The following ZNF350 variants were observed in gnomAD, a reference collection of about 807,000 sequenced individuals.
The protein encoded by ZNF350 is KRAB zinc finger protein ZFQR.
A neutral mutation model predicts 13.1 loss-of-function variants in ZNF350; 5 were observed. The observed-to-expected ratio is 0.38, with a 90% CI of 0.20 to 0.80. The LOEUF (loss-of-function observed/expected upper bound fraction) is 0.80, where lower values mean the gene tolerates loss of function less well. Ranked by LOEUF, ZNF350 falls within the 30% of genes least tolerant of loss-of-function variation. The pLI, the probability that ZNF350 is intolerant of heterozygous loss-of-function variation, is 0.43. For missense variants in ZNF350, 534 were observed against 644.2 expected (o/e 0.83, Z 1.85); for synonymous variants, 199 against 224.2 (o/e 0.89, Z 1.00).
chr19:51,972,562 T>C (rs1048297143), intron 2 of ZNF350, among the ~76,000 whole-genome samples: 2 of 152,148 alleles, frequency 1.3e-5, no homozygotes, highest in Admixed American at 6.5e-5. Context: ...AAGTGTAGCA[T>C]CTTCGGCCAA....
At position 51,964,865 on chromosome 19, in the gene ZNF350, C is replaced by G. The variant is rs755703895; in HGVS notation, c.1588G>C (p.Glu530Gln). The G allele has an allele frequency of 1.9e-6, 3 of 1,606,462 alleles. No individual in the cohort carries two copies. Among genetic ancestry groups the G allele is most frequent in the Non-Finnish European group, 2.6e-6 (3 of 1,174,440 alleles). The part of the protein sequence containing the change: ...VINYVLFYVT[E>Q]NP ...TCTGAGTTTTCTTCCTATGGGTTTTCTGTAACATAAAATAAGACATAATTG... is the reference window on the plus strand; with the variant it reads ...TCTGAGTTTTCTTCCTATGGGTTTTGTGTAACATAAAATAAGACATAATTG... Residue 530 changes from glutamate to glutamine, a missense_variant, in exon 5 of 5, where the codon GAA becomes CAA. Glu to Gln is a conservative substitution (Grantham distance 29). Coordinates refer to ENST00000243644, the MANE Select transcript of ZNF350 (RefSeq NM_021632.4).
At chr19:51,970,028 G>C (rs1308438850) in intron 2 of ZNF350, among the ~76,000 whole-genome samples, 1 of 149,798 alleles carries the variant, frequency 6.7e-6, no homozygotes, top group Non-Finnish European at 1.5e-5. Context: ...AAGTAGCTAG[G>C]ACTACAGGCA....
At chr19:51,970,147 C>T (rs554375953) in intron 2 of ZNF350, among the ~76,000 whole-genome samples, 13 of 151,470 alleles carry the variant, frequency 8.6e-5, no homozygotes, top group East Asian at 1.9e-4. Context: ...CTGCAACCTC[C>T]GCCTCCCAGG....
chr19:51,975,435 A>AC lies in ZNF350; in HGVS notation c.-171-905_-171-904insG, dbSNP rs1427809566. ...AAAGAGCGAAACCTCGTCTTAAAAA[A>AC]AAAAAAAAAAAAAAAAACTAGTAAT... On this transcript the variant is annotated intron_variant, in intron 1 of 4. Coordinates refer to ENST00000243644, the MANE Select transcript of ZNF350 (RefSeq NM_021632.4). Among the ~76,000 whole-genome samples, 19 of 150,992 alleles carry AC rather than the reference A, an allele frequency of 1.3e-4. 1 individual carries two copies. The highest frequency in any genetic ancestry group is 4.4e-4 in the African/African-American group (18 of 41,308).
chr19:51,983,327 T>C (rs138583628), intron 1 of ZNF350, among the ~76,000 whole-genome samples: 3 of 152,272 alleles, frequency 2.0e-5, no homozygotes, highest in South Asian at 2.1e-4. Flanking sequence ...GCCTGAGATA[T>C]GGTCTCGTGG....
chr19:51,965,025 G>A lies in ZNF350; in HGVS notation c.1428C>T (p.Ser476=), dbSNP rs4988336. Residue 476 remains serine (S), a synonymous_variant, in exon 5 of 5, where the codon AGC becomes AGT. Transcript: ENST00000243644. ...CTACGTTCCTGTTTGCGAGGAGGCC[G>A]CTGATGTTTAATGATGTCTGAGGGG... is the stretch of plus-strand genomic sequence containing the variant. ...SVAPQTSLNI[S]GLLANRNVVL... is the part of the protein sequence containing the mutation. 0.021 allele frequency: 33,162 copies of A among 1,614,052 alleles called. 447 individuals carry two copies. The highest frequency in any genetic ancestry group is 0.023 in the South Asian group (2,110 of 91,080).
At chr19:51,969,587 T>C (rs564507598) in intron 2 of ZNF350, among the ~76,000 whole-genome samples, 18 of 152,176 alleles carry the variant, frequency 1.2e-4, no homozygotes, top group Non-Finnish European at 2.4e-4. Flanking sequence ...ATCCCAGCAC[T>C]TTCGGAGGCC....
intron 1 of ZNF350, among the ~76,000 whole-genome samples, chr19:51,975,609 T>C (rs917277377): frequency 4.6e-5 from 7 of 152,006 alleles, no homozygotes; most frequent in South Asian, 2.1e-4. Flanking sequence ...ACTAAGAAAA[T>C]TACATTACAT....
At chr19:51,975,311 TAC>T (rs2085854043) in intron 1 of ZNF350, among the ~76,000 whole-genome samples, 1 of 150,652 alleles carries the variant, frequency 6.6e-6, no homozygotes, top group South Asian at 2.1e-4. Flanking sequence ...TCTATAAAAA[TAC>T]AGTTATTCCA....
intron 1 of ZNF350, among the ~76,000 whole-genome samples, chr19:51,981,767 A>C (rs2086051752): frequency 6.6e-6 from 1 of 152,252 alleles, no homozygotes; most frequent in African/African-American, 2.4e-5. Flanking sequence ...CTTCATTCAT[A>C]GAAATACACC....
Position 51,965,113 on chromosome 19 carries a change from G to C in ZNF350, c.1340C>G (p.Thr447Ser), listed in dbSNP as rs1421782181. Residue 447 changes from threonine to serine, a missense_variant, in exon 5 of 5, where the codon ACC becomes AGC. Coordinates refer to ENST00000243644, the MANE Select transcript of ZNF350 (RefSeq NM_021632.4). Reference sequence around the variant, plus strand: ...GTTTTTCTCCTGCATGACATCACTGGTGTGTAATGAGCTGTGCCTCTCTGC... The same window carrying C: ...GTTTTTCTCCTGCATGACATCACTGCTGTGTAATGAGCTGTGCCTCTCTGC... Reference protein sequence around the residue: ...PPAERHSSLHTSDVMQEKNSA... With the variant: ...PPAERHSSLHSSDVMQEKNSA... 1.2e-6 allele frequency: 2 copies of C among 1,614,200 alleles called. No homozygotes were observed. Among genetic ancestry groups the C allele is most frequent in the Middle Eastern group, 1.6e-4 (1 of 6,062 alleles).
intron 4 of ZNF350, among the ~76,000 whole-genome samples, chr19:51,967,025 T>C (rs2085601129): frequency 6.6e-6 from 1 of 152,106 alleles, no homozygotes; most frequent in Admixed American, 6.6e-5. Flanking sequence ...TAAATAAAAC[T>C]CCATGTTTAA....
In ZNF350 at chr19:51,966,146, A is replaced by G. The variant is rs2085561582; in HGVS notation, c.307T>C (p.Cys103Arg). 6.2e-7 allele frequency: 1 copy of G among 1,613,814 alleles called. No homozygotes were observed. The highest frequency in any genetic ancestry group is 1.3e-5 in the African/African-American group (1 of 75,036). ...SESLVNRRKP[C>R]HEHDAFENIV... ...TTTTCAAATGCATCATGTTCATGAC[A>G]TGGTTTCCTTCTGTTCACCAGGCTT... The change falls in exon 5 of 5, where the codon TGT (cysteine) becomes CGT (arginine). Residue 103 changes from cysteine to arginine, a missense_variant. Physicochemically the swap from Cys to Arg is radical, Grantham distance 180 (BLOSUM62 -3). Transcript: ENST00000243644.
In ZNF350 at chr19:51,969,613, C is replaced by G. The variant is rs570060638; in HGVS notation, c.16-482G>C. 2.8e-4 allele frequency among the ~76,000 whole-genome samples: 43 copies of G among 152,092 alleles called. No homozygotes were observed. The South Asian group carries it at 5.0e-3, about 18-fold the overall frequency. Reference sequence around the variant, plus strand: ...TTCGGAGGCCAAGGCAGGAGGGTCACTCGAGCCCAGGAGTTCAAGACCAGC... The same window carrying G: ...TTCGGAGGCCAAGGCAGGAGGGTCAGTCGAGCCCAGGAGTTCAAGACCAGC... On this transcript the variant is annotated intron_variant, in intron 2 of 4. Transcript: ENST00000243644.
At chr19:51,969,551 G>C (rs2085676453) in intron 2 of ZNF350, among the ~76,000 whole-genome samples, 1 of 152,080 alleles carries the variant, frequency 6.6e-6, no homozygotes, top group Non-Finnish European at 1.5e-5. Context: ...CACAGTATTG[G>C]TCAGGCACAG....
intron 2 of ZNF350, among the ~76,000 whole-genome samples, chr19:51,971,559 T>C (rs2085737919): frequency 6.6e-6 from 1 of 152,246 alleles, no homozygotes; most frequent in Non-Finnish European, 1.5e-5. Context: ...GAAGGTTTTC[T>C]GGAGGCAATC....
chr19:51,979,884 G>A (rs2085991514), intron 1 of ZNF350, among the ~76,000 whole-genome samples: 1 of 152,226 alleles, frequency 6.6e-6, no homozygotes, highest in Admixed American at 6.5e-5. Context: ...CTGCTGCTCA[G>A]ATTGCTTGGC....
chr19:51,981,870 A>G (rs1442921339), intron 1 of ZNF350: 1 of 152,200 alleles, frequency 6.6e-6, no homozygotes, highest in Admixed American at 6.5e-5. Flanking sequence ...AGACTTTAAC[A>G]GACCTTTCCT....
rs572290491 is a variant in ZNF350, at chr19:51,967,577, T to C, written c.238+1001A>G. Among the ~76,000 whole-genome samples, 3 of 152,162 alleles carry C rather than the reference T, an allele frequency of 2.0e-5. No homozygotes were observed. The South Asian group carries it at 6.2e-4, about 32-fold the overall frequency. On this transcript the variant is annotated intron_variant, in intron 4 of 4. Transcript: ENST00000243644. The stretch of plus-strand genomic sequence containing the variant: ...CACAGAGATCACTGAAATGAGAAAT[T>C]TGACAGGTAACATGGTTTACTGGGA...
Sources: gnomAD v4.1 joint callset for allele counts (sites outside exome capture counted in the v4.1 genomes callset) on GRCh38, gnomAD v4.1.1 for gene constraint, MANE v1.5 for transcripts, NCBI Gene and HGNC (gene_info 2026-07-23, HGNC 2026-07-21) for gene names.